Variants in STRIP2 observed in about 807,000 individuals in gnomAD.
STRIP2 encodes the protein striatin-interacting protein 2.
In STRIP2, 84 loss-of-function variants were observed where a neutral mutation model predicts 107.1. That is an observed-to-expected ratio of 0.78 (90% CI 0.66 to 0.94). The LOEUF is 0.94. Ranked by LOEUF, STRIP2 falls within the 40% of genes least tolerant of loss-of-function variation. STRIP2 has a pLI of 0.00. For synonymous variants in STRIP2, 394 were observed against 400.4 expected (o/e 0.98, Z 0.19); for missense variants, 888 against 1,034.2 (o/e 0.86, Z 1.94).
Position 129,486,031 on chromosome 7 carries a change from T to G in STRIP2, c.*202T>G. ...GGTCAGTTGGGTGCCCAGTTGGCCT[T>G]GGAAATCTTTTGGTGGATCAATTCT... On this transcript the variant is annotated 3_prime_UTR_variant, in exon 21 of 21. Transcript: ENST00000249344. 1.8e-6 allele frequency: 1 copy of G among 571,062 alleles called. No individual in the cohort carries two copies. Among genetic ancestry groups the G allele is most frequent in the Non-Finnish European group, 3.1e-6 (1 of 324,722 alleles). The allele number at this position is 571,062 out of a possible 1,614,324, so 35.4% of individuals were successfully genotyped here.
chr7:129,473,820 C>T (rs1354214883), intron 18 of STRIP2, among the ~76,000 whole-genome samples: 4 of 151,960 alleles, frequency 2.6e-5, no homozygotes, highest in Admixed American at 6.6e-5. Context: ...CGGGTTCAAG[C>T]GATTCTTCTG....
chr7:129,455,012 C>T (rs1334085415), intron 7 of STRIP2, among the ~76,000 whole-genome samples: 1 of 152,218 alleles, frequency 6.6e-6, no homozygotes, highest in Non-Finnish European at 1.5e-5. Context: ...GCATCCAACC[C>T]CAAAGCGTCA....
rs755351623 is a variant in STRIP2, at chr7:129,454,166, C to G, written c.555C>G (p.Ala185=). 6.2e-7 allele frequency: 1 copy of G among 1,613,956 alleles called. No individual in the cohort carries two copies. Among genetic ancestry groups the G allele is most frequent in the Non-Finnish European group, 8.5e-7 (1 of 1,180,012 alleles). Residue 185 remains alanine (A), a synonymous_variant, in exon 6 of 21, where the codon GCC becomes GCG. Coordinates refer to ENST00000249344, the MANE Select transcript of STRIP2 (RefSeq NM_020704.3). ...GCAACAGCCAGGCCTGTAGCAGTGC[C>G]CTTCGGAAACCAGCTGTCTCCATAG... ...EIDNSQACSS[A]LRKPAVSIAD... is the part of the protein sequence containing the mutation.
chr7:129,467,573 G>A (rs878904930), intron 17 of STRIP2, 123 bp downstream of exon 17: 2 of 570,562 alleles, frequency 3.5e-6, no homozygotes, highest in East Asian at 3.0e-5. Flanking sequence ...AGCTGTCACT[G>A]TTAAATTTAA....
intron 17 of STRIP2, among the ~76,000 whole-genome samples, chr7:129,468,054 C>A (rs1351924580): frequency 6.6e-6 from 1 of 152,090 alleles, no homozygotes; most frequent in East Asian, 1.9e-4. Flanking sequence ...AAGTAAGCAT[C>A]AGAGGCAGGA....
chr7:129,480,781 A>G lies in STRIP2; in HGVS notation c.1945-4A>G, dbSNP rs780005388. 3 of 1,611,114 alleles carry G rather than the reference A, an allele frequency of 1.9e-6. No individual in the cohort carries two copies. Among genetic ancestry groups the G allele is most frequent in the Admixed American group, 1.7e-5 (1 of 59,540 alleles). ...AAGATAATGATGGATGTTCCCTACT[A>G]TAGGAAGCTGGAGACAACAGCCAGT... On this transcript the variant is annotated splice_region_variant and splice_polypyrimidine_tract_variant and intron_variant, in intron 18 of 20. Transcript: ENST00000249344.
Position 129,467,260 on chromosome 7 carries a change from T to C in STRIP2, c.1777-90T>C, listed in dbSNP as rs1798691996. 12 of 899,960 alleles carry C rather than the reference T, an allele frequency of 1.3e-5. No homozygotes were observed. In the East Asian group the frequency reaches 3.1e-4, roughly 24 times the overall value. 55.7% of individuals were successfully genotyped at this position (899,960 alleles called of 1,614,324 possible). The stretch of plus-strand genomic sequence containing the variant: ...GATAGTAGATATTCTCAGGAATGGA[T>C]ATTAGATTTGTATTTCCTCTCTTTT... On this transcript the variant is annotated intron_variant, in intron 16 of 20. Transcript: ENST00000249344.
At chr7:129,451,224 C>T (rs1294038732) in intron 3 of STRIP2, among the ~76,000 whole-genome samples, 1 of 152,056 alleles carries the variant, frequency 6.6e-6, no homozygotes, top group Admixed American at 6.6e-5. Context: ...CAGGCGTGAG[C>T]CACCGCACCC....
Position 129,458,347 on chromosome 7 carries a change from C to T in STRIP2, c.1171C>T (p.Leu391=), listed in dbSNP as rs1478158743. 1.2e-6 allele frequency: 2 copies of T among 1,614,170 alleles called. No homozygotes were observed. The highest frequency in any genetic ancestry group is 1.7e-6 in the Non-Finnish European group (2 of 1,180,028). ...GERTLDGELD[L]LEQDPLVPPP... ...ACGAACCTTGGATGGAGAGCTAGAC[C>T]TGCTAGAGCAGGACCCTCTGGTGCC... Residue 391 remains leucine, a synonymous_variant, in exon 10 of 21, where the codon CTG becomes TTG. Transcript: ENST00000249344. This position sits in a 1 kb window ranked among gnomAD's most constrained non-coding sequence, Gnocchi z 4.6.
In STRIP2 at chr7:129,458,714, A is replaced by C. The variant is rs1408165850; in HGVS notation, c.1277A>C (p.Gln426Pro). The C allele has an allele frequency of 4.3e-6, 7 of 1,614,080 alleles. No individual in the cohort carries two copies. The highest frequency in any genetic ancestry group is 5.9e-6 in the Non-Finnish European group (7 of 1,180,032). Residue 426 changes from glutamine (Q) to proline (P), a missense_variant and splice_region_variant, in exon 11 of 21, where the codon CAG (glutamine) becomes CCG (proline). Coordinates refer to ENST00000249344, the MANE Select transcript of STRIP2 (RefSeq NM_020704.3). The surrounding 1 kb of genome is among the most constrained non-coding windows in gnomAD (Gnocchi z 4.6). ...KGLPWAPKVR[Q>P]KDIEHFLEMS... is the part of the protein sequence containing the mutation. ...TGGTCTTTCCACCATCCTCTCAGAC[A>C]GAAGGACATTGAGCACTTCTTGGAG... is the stretch of plus-strand genomic sequence containing the variant.
At chr7:129,445,026 A>G (rs530157020) in intron 3 of STRIP2, among the ~76,000 whole-genome samples, 2 of 152,122 alleles carry the variant, frequency 1.3e-5, no homozygotes, top group Non-Finnish European at 2.9e-5. Flanking sequence ...CCCATTCTGT[A>G]TTCCCTTTGC....
chr7:129,482,890 G>T lies in STRIP2; in HGVS notation c.2098G>T (p.Val700Phe). The change falls in exon 20 of 21, where the codon GTC becomes TTC. Residue 700 changes from valine (V) to phenylalanine (F), a missense_variant. Transcript: ENST00000249344. ...SAPILKRALK[V>F]KQAMLQLYVL... ...ACCAATCTTAAAGCGGGCCCTCAAG[G>T]TCAAACAGGCCATGCTGCAACTTTA... 3 of 1,614,086 alleles carry T rather than the reference G, an allele frequency of 1.9e-6. No individual in the cohort carries two copies. The highest frequency in any genetic ancestry group is 2.5e-6 in the Non-Finnish European group (3 of 1,180,026).
chr7:129,470,637 T>TGCACCTTACA lies in STRIP2; in HGVS notation c.1878-9_1878-8insCCTTACAGCA. The TGCACCTTACA allele has an allele frequency of 6.2e-7, 1 of 1,612,402 alleles. No individual in the cohort carries two copies. Among genetic ancestry groups the TGCACCTTACA allele is most frequent in the Non-Finnish European group, 8.5e-7 (1 of 1,178,410 alleles). The stretch of plus-strand genomic sequence containing the variant: ...TTTACCTAAAGCCTGTCCTTATCTC[T>TGCACCTTACA]GCATCTTACAGCATCTCAGTCCTGG... On this transcript the variant is annotated splice_polypyrimidine_tract_variant and intron_variant, in intron 17 of 20. Coordinates refer to ENST00000249344, the MANE Select transcript of STRIP2 (RefSeq NM_020704.3).
chr7:129,454,295 C>A (rs1003972010), intron 6 of STRIP2, 85 bp downstream of exon 6: 4 of 1,515,790 alleles, frequency 2.6e-6, no homozygotes, highest in Non-Finnish European at 3.7e-6. Flanking sequence ...ATGACTCAGA[C>A]CATTAGGAAG....
intron 4 of STRIP2, 132 bp downstream of exon 4, chr7:129,451,879 G>T: frequency 4.8e-6 from 5 of 1,048,730 alleles, no homozygotes; most frequent in Non-Finnish European, 7.0e-6. Flanking sequence ...ATCTTGTCAT[G>T]TGCTAGGAGT....
chr7:129,453,419 C>T, intron 5 of STRIP2, 72 bp downstream of exon 5: 1 of 1,583,020 alleles, frequency 6.3e-7, no homozygotes, highest in Non-Finnish European at 8.6e-7. Context: ...TTCTATGCTG[C>T]TTCCCTCACT....
In STRIP2 at chr7:129,475,920, T is replaced by G. The variant is rs116927085; in HGVS notation, c.1945-4865T>G. Reference sequence around the variant, plus strand: ...CAACAGCATCCCAAGGCAGAAGAATTTCTCCTAGTACAGAACGAAATGGAG... The same window carrying G: ...CAACAGCATCCCAAGGCAGAAGAATGTCTCCTAGTACAGAACGAAATGGAG... On this transcript the variant is annotated intron_variant, in intron 18 of 20. Coordinates refer to ENST00000249344, the MANE Select transcript of STRIP2 (RefSeq NM_020704.3). Among the ~76,000 whole-genome samples the G allele has an allele frequency of 4.1e-3, 619 of 152,270 alleles. 10 individuals are homozygous for G. The East Asian group carries it at 0.044, about 11-fold the overall frequency.
chr7:129,486,671 G>A lies in STRIP2; in HGVS notation c.*842G>A, dbSNP rs901780314. Reference sequence around the variant, plus strand: ...TTTTTAAATGACAAGTTAACTACAGGAGGCTTTATTTATTCAGATGGTATG... The same window carrying A: ...TTTTTAAATGACAAGTTAACTACAGAAGGCTTTATTTATTCAGATGGTATG... On this transcript the variant is annotated 3_prime_UTR_variant, in exon 21 of 21. Coordinates refer to ENST00000249344, the MANE Select transcript of STRIP2 (RefSeq NM_020704.3). 6.9e-6 allele frequency: 1 copy of A among 143,910 alleles called. No individual in the cohort carries two copies. Among genetic ancestry groups the A allele is most frequent in the African/African-American group, 2.4e-5 (1 of 41,200 alleles). 8.9% of individuals were successfully genotyped at this position (143,910 alleles called of 1,614,324 possible).
intron 9 of STRIP2, among the ~76,000 whole-genome samples, chr7:129,457,323 T>G (rs1247801540): frequency 6.6e-6 from 1 of 152,232 alleles, no homozygotes; most frequent in Non-Finnish European, 1.5e-5. Context: ...GAACACCATA[T>G]GCAATTGTAA....
Sources: allele counts gnomAD v4.1 joint callset (sites outside exome capture counted in the v4.1 genomes callset), GRCh38; gene constraint gnomAD v4.1.1; non-coding constraint Gnocchi (gnomAD v3.1); transcripts MANE v1.5; gene names NCBI Gene and HGNC (gene_info 2026-07-23, HGNC 2026-07-21).